Variants in OR6N2 observed in about 807,000 individuals in gnomAD.
The protein encoded by OR6N2 is olfactory receptor family 6 subfamily N member 2.
For missense variants in OR6N2, 399 were observed against 379.7 expected, an observed-to-expected ratio of 1.05 and a Z score of -0.42; for synonymous variants, 160 against 138.3, an observed-to-expected ratio of 1.16 and a Z score of -1.10.
At chr1:158,780,320 A>G (rs1391871010) in intron 1 of OR6N2, among the ~76,000 whole-genome samples, 3 of 152,060 alleles carry the variant, frequency 2.0e-5, no homozygotes, top group Non-Finnish European at 2.9e-5. Flanking sequence ...CCTAGCAAAC[A>G]TAATAATTTC....
rs549994722 is a variant in OR6N2, at chr1:158,779,400, A to C, written c.-6-1759T>G. On this transcript the variant is annotated intron_variant, in intron 1 of 1. Transcript: ENST00000641131. The stretch of plus-strand genomic sequence containing the variant: ...CTCGTCACAATGGCTGTCACATTAA[A>C]AGTATTCAATAAGATATTAATAACC... 6.6e-5 allele frequency among the ~76,000 whole-genome samples: 10 copies of C among 152,316 alleles called. No individual in the cohort carries two copies. In the South Asian group the frequency reaches 1.9e-3, roughly 28 times the overall value.
rs1390564788 is a variant in OR6N2 at position 158,775,260 on chromosome 1, G to T, written c.*1422C>A. ...AGTCCTCTCAAAGCTAGCATCACTG[G>T]AAATTGATATTTGAACAGAAAATCA... On this transcript the variant is annotated 3_prime_UTR_variant, in exon 2 of 2. Coordinates refer to ENST00000641131, the MANE Select transcript of OR6N2 (RefSeq NM_001005278.2). The T allele has an allele frequency of 6.6e-6, 1 of 152,170 alleles. No individual in the cohort carries two copies. The highest frequency in any genetic ancestry group is 6.5e-5 in the Admixed American group (1 of 15,270). The allele number at this position is 152,170 out of a possible 1,614,324, so 9.4% of individuals were successfully genotyped here.
At position 158,775,163 on chromosome 1, in the gene OR6N2, C is replaced by A. The variant is rs1430906909; in HGVS notation, c.*1519G>T. ...GTCCACAAACACATAAATTGCCATACATATTTTGAAGAGAAGCAAAACATA... is the reference window on the plus strand; with the variant it reads ...GTCCACAAACACATAAATTGCCATAAATATTTTGAAGAGAAGCAAAACATA... On this transcript the variant is annotated 3_prime_UTR_variant, in exon 2 of 2. Transcript: ENST00000641131. 6.6e-6 allele frequency: 1 copy of A among 152,116 alleles called. No homozygotes were observed. The highest frequency in any genetic ancestry group is 1.9e-4 in the East Asian group (1 of 5,194). The allele number at this position is 152,116 out of a possible 1,614,324, so 9.4% of individuals were successfully genotyped here. A position where few individuals can be genotyped will look rare whatever the true frequency, so the allele number is the denominator to read the frequency against.
chr1:158,778,801 T>G (rs1657672930), intron 1 of OR6N2, among the ~76,000 whole-genome samples: 1 of 150,436 alleles, frequency 6.6e-6, no homozygotes, highest in South Asian at 2.1e-4. Flanking sequence ...GATCACGAGG[T>G]CGGGAGATTG....
Position 158,776,545 on chromosome 1 carries a change from A to G in OR6N2, c.*137T>C, listed in dbSNP as rs1657597596. On this transcript the variant is annotated 3_prime_UTR_variant, in exon 2 of 2. Coordinates refer to ENST00000641131, the MANE Select transcript of OR6N2 (RefSeq NM_001005278.2). ...AAAAATAGAAATAAAGATGTAGAAA[A>G]TGAGAAAATCATAAAGAAATGAAGT... 1.9e-6 allele frequency: 1 copy of G among 524,104 alleles called. No individual in the cohort carries two copies. The highest frequency in any genetic ancestry group is 1.9e-5 in the African/African-American group (1 of 51,546). 32.5% of individuals were successfully genotyped at this position (524,104 alleles called of 1,614,324 possible).
At position 158,777,039 on chromosome 1, in the gene OR6N2, G is replaced by C; in HGVS notation, c.597C>G (p.Asp199Glu). The C allele has an allele frequency of 6.2e-7, 1 of 1,614,080 alleles. No homozygotes were observed. The highest frequency in any genetic ancestry group is 1.1e-5 in the South Asian group (1 of 91,082). ...CKDTSANILVDFAINAFIILI... is the reference protein window; with the variant it reads ...CKDTSANILVEFAINAFIILI... ...GAATTATGAAAGCATTAATGGCAAAGTCCACCAGAATGTTAGCAGATGTGT... is the reference window on the plus strand; with the variant it reads ...GAATTATGAAAGCATTAATGGCAAACTCCACCAGAATGTTAGCAGATGTGT... The change falls in exon 2 of 2, where the codon GAC (aspartate) becomes GAG (glutamate). Residue 199 changes from aspartate to glutamate, a missense_variant. Asp to Glu is a conservative substitution (Grantham distance 45). Transcript: ENST00000641131.
chr1:158,780,292 T>G (rs906333507), intron 1 of OR6N2, among the ~76,000 whole-genome samples: 2 of 152,226 alleles, frequency 1.3e-5, no homozygotes, highest in Non-Finnish European at 2.9e-5. Flanking sequence ...GCCAACTGTA[T>G]GTGTAGAACA....
rs755402251 is a variant in OR6N2, at chr1:158,775,861, C to A, written c.*821G>T. The A allele has an allele frequency of 1.3e-5, 2 of 152,120 alleles. No individual in the cohort carries two copies. The highest frequency in any genetic ancestry group is 2.9e-5 in the Non-Finnish European group (2 of 68,018). The allele number at this position is 152,120 out of a possible 1,614,324, so 9.4% of individuals were successfully genotyped here. On this transcript the variant is annotated 3_prime_UTR_variant, in exon 2 of 2. Transcript: ENST00000641131. ...CAAGGAAACAAAAGCATCAAGCTTTCATGGTTAGAAATTTTAAGAAATCAA... is the reference window on the plus strand; with the variant it reads ...CAAGGAAACAAAAGCATCAAGCTTTAATGGTTAGAAATTTTAAGAAATCAA...
At position 158,778,907 on chromosome 1, in the gene OR6N2, T is replaced by C. The variant is rs560413284; in HGVS notation, c.-6-1266A>G. 2.9e-3 allele frequency among the ~76,000 whole-genome samples: 435 copies of C among 151,024 alleles called. 1 individual carries two copies. Among genetic ancestry groups the C allele is most frequent in the Non-Finnish European group, 5.1e-3 (346 of 67,880 alleles). ...GTGGCGGGCACCTGCAGTTCCCAGC[T>C]ACTCCGGAGGCTGAGGCAGGAGAAT... On this transcript the variant is annotated intron_variant, in intron 1 of 1. Transcript: ENST00000641131.
chr1:158,775,987 G>A lies in OR6N2; in HGVS notation c.*695C>T, dbSNP rs1218112379. 6.6e-6 allele frequency: 1 copy of A among 152,062 alleles called. No homozygotes were observed. The highest frequency in any genetic ancestry group is 2.4e-5 in the African/African-American group (1 of 41,406). 9.4% of individuals were successfully genotyped at this position (152,062 alleles called of 1,614,324 possible). On this transcript the variant is annotated 3_prime_UTR_variant, in exon 2 of 2. Transcript: ENST00000641131. ...AATCTAAATCTCAGAGAAAAATTGT[G>A]GTTTGGAGATAAAAATTTAAGAGGC...
Position 158,777,329 on chromosome 1 carries a change from A to T in OR6N2, c.307T>A (p.Phe103Ile), listed in dbSNP as rs771040832. 1 of 1,614,192 alleles carries T rather than the reference A, an allele frequency of 6.2e-7. No individual in the cohort carries two copies. Among genetic ancestry groups the T allele is most frequent in the Non-Finnish European group, 8.5e-7 (1 of 1,180,032 alleles). Residue 103 changes from phenylalanine to isoleucine, a missense_variant, in exon 2 of 2, where the codon TTC becomes ATC. Phe to Ile is a conservative substitution (Grantham distance 21). Transcript: ENST00000641131. ...TCAGACGCTCCCAAGGAGTGGAAGAAGTAGGTCTGAAGGAGGCATCCTGCA... is the reference window on the plus strand; with the variant it reads ...TCAGACGCTCCCAAGGAGTGGAAGATGTAGGTCTGAAGGAGGCATCCTGCA... ...SFAGCLLQTY[F>I]FHSLGASECY... is the part of the protein sequence containing the mutation.
chr1:158,776,555 C>A lies in OR6N2; in HGVS notation c.*127G>T. The A allele has an allele frequency of 5.6e-6, 3 of 532,756 alleles. No homozygotes were observed. The highest frequency in any genetic ancestry group is 3.6e-5 in the South Asian group (1 of 27,722). 33.0% of individuals were successfully genotyped at this position (532,756 alleles called of 1,614,324 possible). ...ATAAAGATGTAGAAAATGAGAAAAT[C>A]ATAAAGAAATGAAGTCTTTGAAGAG... On this transcript the variant is annotated 3_prime_UTR_variant, in exon 2 of 2. Coordinates refer to ENST00000641131, the MANE Select transcript of OR6N2 (RefSeq NM_001005278.2).
At position 158,775,122 on chromosome 1, in the gene OR6N2, G is replaced by T. The variant is rs1367208647; in HGVS notation, c.*1560C>A. On this transcript the variant is annotated 3_prime_UTR_variant, in exon 2 of 2. Coordinates refer to ENST00000641131, the MANE Select transcript of OR6N2 (RefSeq NM_001005278.2). ...GGAAAGAATGACAAACTATATCTAT[G>T]TATATATACATAAATGTCCACAAAC... 1.3e-5 allele frequency: 2 copies of T among 152,146 alleles called. No homozygotes were observed. Among genetic ancestry groups the T allele is most frequent in the African/African-American group, 4.8e-5 (2 of 41,424 alleles). 9.4% of individuals were successfully genotyped at this position (152,146 alleles called of 1,614,324 possible). A position where few individuals can be genotyped will look rare whatever the true frequency, so the allele number is the denominator to read the frequency against.
chr1:158,776,712 C>A lies in OR6N2; in HGVS notation c.924G>T (p.Lys308Asn). Reference protein sequence around the residue: ...IKAIKRTIFQKGDKASLAHL With the variant: ...IKAIKRTIFQNGDKASLAHL ...GATGAGCAAGACTAGCTTTATCTCC[C>A]TTCTGGAAGATGGTCCTCTTGATAG... Residue 308 changes from lysine (K) to asparagine (N), a missense_variant, in exon 2 of 2, where the codon AAG (lysine) becomes AAT (asparagine). Lys to Asn is a moderately conservative substitution (Grantham distance 94, BLOSUM62 0). Coordinates refer to ENST00000641131, the MANE Select transcript of OR6N2 (RefSeq NM_001005278.2). The A allele has an allele frequency of 6.2e-7, 1 of 1,610,832 alleles. No homozygotes were observed. The highest frequency in any genetic ancestry group is 8.5e-7 in the Non-Finnish European group (1 of 1,178,010).
At position 158,777,297 on chromosome 1, in the gene OR6N2, G is replaced by C; in HGVS notation, c.339C>G (p.Tyr113Ter). Reference protein sequence around the residue: ...FFHSLGASECYLLTAMAYDRY... With the variant: ...FFHSLGASEC ...TATCATAGGCCATGGCTGTAAGAAG[G>C]TAGCATTCAGACGCTCCCAAGGAGT... Residue 113 changes from tyrosine (Y) to a stop codon, truncating the protein, a stop_gained, in exon 2 of 2, where the codon TAC (tyrosine) becomes TAG (stop). Transcript: ENST00000641131. LOFTEE classifies it low-confidence loss of function (END_TRUNC). The C allele has an allele frequency of 6.2e-7, 1 of 1,614,132 alleles. No individual in the cohort carries two copies. Among genetic ancestry groups the C allele is most frequent in the South Asian group, 1.1e-5 (1 of 91,088 alleles).
rs751899497 is a variant in OR6N2, at chr1:158,777,300, G to A, written c.336C>T (p.Cys112=). 4.3e-6 allele frequency: 7 copies of A among 1,614,124 alleles called. No homozygotes were observed. In the South Asian group the frequency reaches 7.7e-5, roughly 18 times the overall value. ...YFFHSLGASE[C]YLLTAMAYDR... The stretch of plus-strand genomic sequence containing the variant: ...CATAGGCCATGGCTGTAAGAAGGTA[G>A]CATTCAGACGCTCCCAAGGAGTGGA... Residue 112 remains cysteine (C), a synonymous_variant, in exon 2 of 2, where the codon TGC becomes TGT. Coordinates refer to ENST00000641131, the MANE Select transcript of OR6N2 (RefSeq NM_001005278.2).
chr1:158,780,708 G>A (rs1276797480), intron 1 of OR6N2, among the ~76,000 whole-genome samples: 2 of 152,162 alleles, frequency 1.3e-5, no homozygotes, highest in Non-Finnish European at 2.9e-5. Flanking sequence ...TCATACTGTT[G>A]TAAAGTAGAA....
chr1:158,776,853 C>A lies in OR6N2; in HGVS notation c.783G>T (p.Arg261=), dbSNP rs1657610758. The change falls in exon 2 of 2, where the codon CGG becomes CGT. Residue 261 remains arginine (R), a synonymous_variant. Coordinates refer to ENST00000641131, the MANE Select transcript of OR6N2 (RefSeq NM_001005278.2). The part of the protein sequence containing the change: ...FFGSIIFMYV[R]LKKSYSLTLD... ...GGGTCAGGGAATAGCTCTTCTTTAG[C>A]CGCACATACATGAAGATGATGCTCC... The A allele has an allele frequency of 6.2e-7, 1 of 1,614,040 alleles. No individual in the cohort carries two copies. The highest frequency in any genetic ancestry group is 1.7e-5 in the Admixed American group (1 of 60,000).
In OR6N2 at chr1:158,776,783, C is replaced by T; in HGVS notation, c.853G>A (p.Val285Ile). ...CGAAGACTGTAGATAATTGGATTGA[C>T]CATTGGTGTTAGTACGGAGTAAACT... Reference protein sequence around the residue: ...AIVYSVLTPMVNPIIYSLRNK... With the variant: ...AIVYSVLTPMINPIIYSLRNK... Residue 285 changes from valine to isoleucine, a missense_variant, in exon 2 of 2, where the codon GTC (valine) becomes ATC (isoleucine). Coordinates refer to ENST00000641131, the MANE Select transcript of OR6N2 (RefSeq NM_001005278.2). The T allele has an allele frequency of 6.2e-7, 1 of 1,613,954 alleles. No individual in the cohort carries two copies. Among genetic ancestry groups the T allele is most frequent in the Non-Finnish European group, 8.5e-7 (1 of 1,179,850 alleles).
Sources: allele counts gnomAD v4.1 joint callset (sites outside exome capture counted in the v4.1 genomes callset), GRCh38; gene constraint gnomAD v4.1.1; transcripts MANE v1.5; gene names NCBI Gene and HGNC (gene_info 2026-07-23, HGNC 2026-07-21).